Variants in SGMS1 observed in about 807,000 individuals in gnomAD.
SGMS1 encodes the protein sphingomyelin synthase 1.
SGMS1 carries 13 observed loss-of-function variants against 46.2 expected under a neutral mutation model. The ratio of observed to expected loss-of-function variants is 0.28; its 90% CI spans 0.18 to 0.45. The LOEUF (loss-of-function observed/expected upper bound fraction) is 0.45. Ranked by LOEUF, SGMS1 falls within the 20% of genes least tolerant of loss-of-function variation. SGMS1 has a pLI of 1.00. For synonymous variants in SGMS1, 203 were observed against 187.8 expected (o/e 1.08, Z -0.66); for missense variants, 324 against 519.9 (o/e 0.62, Z 3.66).
chr10:50,459,240 C>T (rs375650607), intron 5 of SGMS1, among the ~76,000 whole-genome samples: 1 of 151,880 alleles, frequency 6.6e-6, no homozygotes, highest in Non-Finnish European at 1.5e-5. Flanking sequence ...ATGTCTCATA[C>T]CAATAATATA....
chr10:50,501,857 GATA>G (rs1277159474), intron 3 of SGMS1, among the ~76,000 whole-genome samples: 4 of 152,100 alleles, frequency 2.6e-5, no homozygotes, highest in Non-Finnish European at 5.9e-5. Flanking sequence ...TTACTTTTTA[GATA>G]ATAAGACATG....
chr10:50,438,319 A>G (rs1437884665), intron 5 of SGMS1, among the ~76,000 whole-genome samples: 2 of 152,222 alleles, frequency 1.3e-5, no homozygotes, highest in Non-Finnish European at 1.5e-5. Flanking sequence ...CTACTCTGCT[A>G]CAAGTTTCTC....
intron 3 of SGMS1, among the ~76,000 whole-genome samples, chr10:50,511,674 T>C (rs1837756691): frequency 6.6e-6 from 1 of 152,172 alleles, no homozygotes; most frequent in Non-Finnish European, 1.5e-5. Flanking sequence ...ACGCTACTAC[T>C]AGAGATCTTG....
intron 9 of SGMS1, among the ~76,000 whole-genome samples, chr10:50,308,484 C>T (rs73328995): frequency 0.035 from 5,286 of 151,916 alleles, 104 homozygotes; most frequent in South Asian, 0.07. Flanking sequence ...TTAAATTTAC[C>T]TCTAGCTAAT....
chr10:50,422,897 G>C (rs1479753649), intron 6 of SGMS1, among the ~76,000 whole-genome samples: 1 of 152,198 alleles, frequency 6.6e-6, no homozygotes, highest in Admixed American at 6.5e-5. Context: ...GGTATCCTTT[G>C]ATTAGCATTA....
intron 6 of SGMS1, among the ~76,000 whole-genome samples, chr10:50,408,079 T>C (rs984715886): frequency 1.4e-4 from 21 of 152,202 alleles, no homozygotes; most frequent in African/African-American, 4.8e-4. Context: ...TATGTAGCTA[T>C]TGAGCACTTG....
intron 2 of SGMS1, among the ~76,000 whole-genome samples, chr10:50,572,165 T>C (rs1328192891): frequency 6.6e-6 from 1 of 152,108 alleles, no homozygotes; most frequent in Non-Finnish European, 1.5e-5. Flanking sequence ...TCCTGCAGGG[T>C]TGTGTCCCTT....
At chr10:50,465,109 A>C (rs1000735381) in intron 4 of SGMS1, among the ~76,000 whole-genome samples, 1 of 152,188 alleles carries the variant, frequency 6.6e-6, no homozygotes, top group African/African-American at 2.4e-5. Context: ...AAAAAAAGTA[A>C]ACAAAGAATT....
chr10:50,480,193 C>T (rs1837463469), intron 3 of SGMS1, among the ~76,000 whole-genome samples: 1 of 152,068 alleles, frequency 6.6e-6, no homozygotes, highest in Non-Finnish European at 1.5e-5. Context: ...ACCTCACCCA[C>T]ACCCACACTG....
chr10:50,591,894 C>G (rs141730902), intron 1 of SGMS1, among the ~76,000 whole-genome samples: 16 of 152,344 alleles, frequency 1.1e-4, no homozygotes, highest in South Asian at 2.1e-4. Context: ...TCTGTAGACA[C>G]AGAGAGTTAG....
At chr10:50,434,677 C>T (rs1849451048) in intron 5 of SGMS1, among the ~76,000 whole-genome samples, 1 of 150,346 alleles carries the variant, frequency 6.7e-6, no homozygotes, top group Non-Finnish European at 1.5e-5. Flanking sequence ...GAGATCGAGA[C>T]CATCCTGGCT....
chr10:50,379,249 T>C (rs1431816114), intron 6 of SGMS1, among the ~76,000 whole-genome samples: 6 of 152,172 alleles, frequency 3.9e-5, no homozygotes, highest in African/African-American at 1.4e-4. Flanking sequence ...TGTAACACAA[T>C]TTCCAAAAGC....
intron 6 of SGMS1, among the ~76,000 whole-genome samples, chr10:50,404,120 G>C (rs1292408454): frequency 6.6e-6 from 1 of 151,858 alleles, no homozygotes; most frequent in Non-Finnish European, 1.5e-5. Flanking sequence ...AAAAGAGGGA[G>C]AAAGAGGAAG....
chr10:50,490,237 T>C, intron 3 of SGMS1, among the ~76,000 whole-genome samples: 1 of 152,242 alleles, frequency 6.6e-6, no homozygotes, highest in Middle Eastern at 3.2e-3. Context: ...TTTGCATTTA[T>C]AATTATTCCT....
chr10:50,378,155 T>C (rs1035848458), intron 6 of SGMS1, among the ~76,000 whole-genome samples: 2 of 152,340 alleles, frequency 1.3e-5, no homozygotes, highest in East Asian at 3.8e-4. Context: ...TCTGTATTTA[T>C]ACATTTCACT....
At chr10:50,505,533 A>G (rs1389117732) in intron 3 of SGMS1, among the ~76,000 whole-genome samples, 1 of 152,192 alleles carries the variant, frequency 6.6e-6, no homozygotes, top group Non-Finnish European at 1.5e-5. Context: ...AGGTTAATTT[A>G]AAAAGTCACT....
chr10:50,618,697 G>A (rs1838820331), intron 1 of SGMS1, among the ~76,000 whole-genome samples: 1 of 152,164 alleles, frequency 6.6e-6, no homozygotes, highest in Non-Finnish European at 1.5e-5. Flanking sequence ...GAAAGCAGCT[G>A]AGCAACTCTG....
intron 1 of SGMS1, among the ~76,000 whole-genome samples, chr10:50,593,195 A>G (rs1325947946): frequency 2.0e-5 from 3 of 152,344 alleles, no homozygotes; most frequent in East Asian, 3.9e-4. Context: ...GGCAACAGCT[A>G]TGTGAGTGAG....
intron 1 of SGMS1, among the ~76,000 whole-genome samples, chr10:50,608,102 T>C (rs1838714358): frequency 6.6e-6 from 1 of 152,222 alleles, no homozygotes; most frequent in African/African-American, 2.4e-5. Context: ...GTCAAACTTG[T>C]ACTTGTATCC....
Sources: allele counts gnomAD v4.1 joint callset (sites outside exome capture counted in the v4.1 genomes callset), GRCh38; gene constraint gnomAD v4.1.1; transcripts MANE v1.5; gene names NCBI Gene and HGNC (gene_info 2026-07-23, HGNC 2026-07-21).